KDM4C: variants seen among roughly 807,000 people sequenced by gnomAD.
KDM4C encodes lysine demethylase 4C.
A neutral mutation model predicts 129.3 loss-of-function variants in KDM4C; 81 were observed. The ratio of observed to expected loss-of-function variants is 0.63; its 90% CI spans 0.52 to 0.75. KDM4C has a LOEUF of 0.75. KDM4C is among the 30% of genes least tolerant of loss of function. The pLI, the probability that KDM4C is intolerant of heterozygous loss-of-function variation, is 0.00. For missense variants in KDM4C, 1,457 were observed against 1,304.0 expected (o/e 1.12, Z -1.81); for synonymous variants, 573 against 456.1 (o/e 1.26, Z -3.26).
chr9:6,964,296 G>A (rs575325768), intron 8 of KDM4C, among the ~76,000 whole-genome samples: 25 of 150,112 alleles, frequency 1.7e-4, no homozygotes, highest in African/African-American at 5.4e-4. Context: ...GTGTCCAAGC[G>A]TTCTCATTGT....
Position 6,915,765 on chromosome 9 carries a change from G to A in KDM4C, c.921+22533G>A, listed in dbSNP as rs531360689. 2.2e-3 allele frequency among the ~76,000 whole-genome samples: 338 copies of A among 152,250 alleles called. 5 individuals carry two copies. Among genetic ancestry groups the A allele is most frequent in the African/African-American group, 7.9e-3 (330 of 41,548 alleles). ...CAAGGTATAGCCTTCGAAGAACAAG[G>A]AAAGGGCTAGTTTTACACTTCCAGC... is the stretch of plus-strand genomic sequence containing the variant. On this transcript the variant is annotated intron_variant, in intron 8 of 21. Coordinates refer to ENST00000381309, the MANE Select transcript of KDM4C (RefSeq NM_015061.6).
chr9:7,147,945 G>A (rs1039735114), intron 19 of KDM4C, among the ~76,000 whole-genome samples: 1 of 152,208 alleles, frequency 6.6e-6, no homozygotes, highest in African/African-American at 2.4e-5. Context: ...CCAGCAGGCT[G>A]TGCTCGGCTC....
chr9:7,046,779 G>T, intron 15 of KDM4C, 83 bp from the exon 16 acceptor site: 2 of 927,868 alleles, frequency 2.2e-6, no homozygotes, highest in South Asian at 1.4e-5. Flanking sequence ...GAAAAATCAG[G>T]ATCTCTGAGA....
At chr9:7,002,154 A>C (rs1052906594) in intron 12 of KDM4C, among the ~76,000 whole-genome samples, 2 of 152,144 alleles carry the variant, frequency 1.3e-5, no homozygotes, top group Non-Finnish European at 2.9e-5. Context: ...TGGCCTCCCA[A>C]AATGCTGGGA....
rs1473712404 is a variant in KDM4C at position 6,779,019 on chromosome 9, G to A, written c.-17-13953G>A. 6.2e-5 allele frequency among the ~76,000 whole-genome samples: 8 copies of A among 128,816 alleles called. No individual in the cohort carries two copies. In the East Asian group the frequency reaches 1.8e-3, roughly 29 times the overall value. 84.5% of individuals were successfully genotyped at this position (128,816 alleles called of 152,430 possible). A position where few individuals can be genotyped will look rare whatever the true frequency, so the allele number is the denominator to read the frequency against. ...TTACAGGCCTGAGCTACCTCACCAGGCCTGATTAAAGTCTTTTTTTTTTTT... is the reference window on the plus strand; with the variant it reads ...TTACAGGCCTGAGCTACCTCACCAGACCTGATTAAAGTCTTTTTTTTTTTT... On this transcript the variant is annotated intron_variant, in intron 1 of 21. Transcript: ENST00000381309.
chr9:6,940,314 T>G (rs1825716063), intron 8 of KDM4C, among the ~76,000 whole-genome samples: 1 of 152,090 alleles, frequency 6.6e-6, no homozygotes, highest in Non-Finnish European at 1.5e-5. Context: ...TGGTCTTGAT[T>G]ACAGGTGTGA....
chr9:6,741,222 C>G (rs34258621), intron 1 of KDM4C, among the ~76,000 whole-genome samples: 15,311 of 151,660 alleles, frequency 0.1, 841 homozygotes, highest in Non-Finnish European at 0.12. Context: ...ATGGTGAAAA[C>G]CCATCTCTAC....
rs113441726 is a variant in KDM4C at position 6,787,759 on chromosome 9, G to C, written c.-17-5213G>C. Reference sequence around the variant, plus strand: ...CTTTTTGACACAAGAGCCAGAATGTGATTTACAATATGTGAGCCAGCTCAT... The same window carrying C: ...CTTTTTGACACAAGAGCCAGAATGTCATTTACAATATGTGAGCCAGCTCAT... On this transcript the variant is annotated intron_variant, in intron 1 of 21. Transcript: ENST00000381309. 2.2e-3 allele frequency among the ~76,000 whole-genome samples: 342 copies of C among 152,324 alleles called. 3 individuals carry two copies. The highest frequency in any genetic ancestry group is 6.0e-3 in the African/African-American group (250 of 41,572).
chr9:6,785,237 G>T (rs1825218693), intron 1 of KDM4C, among the ~76,000 whole-genome samples: 2 of 152,154 alleles, frequency 1.3e-5, no homozygotes, highest in African/African-American at 4.8e-5. Context: ...TCTTGTGTTT[G>T]CCAGGAGTCC....
At chr9:7,152,810 T>C (rs1009631156) in intron 19 of KDM4C, among the ~76,000 whole-genome samples, 8 of 152,208 alleles carry the variant, frequency 5.3e-5, no homozygotes, top group African/African-American at 1.9e-4. Flanking sequence ...CAAATAGCTT[T>C]AGAGACAGAT....
intron 8 of KDM4C, among the ~76,000 whole-genome samples, chr9:6,949,219 G>A (rs1156655496): frequency 3.1e-4 from 46 of 149,468 alleles, no homozygotes; most frequent in African/African-American, 1.1e-3. Context: ...CGGGGCGGCC[G>A]GGCAGAGACG....
intron 17 of KDM4C, among the ~76,000 whole-genome samples, chr9:7,069,398 A>C (rs1313978391): frequency 6.6e-6 from 1 of 152,238 alleles, no homozygotes; most frequent in South Asian, 2.1e-4. Context: ...AACAAACTTT[A>C]AATTTTAGGC....
chr9:6,754,177 C>A (rs1326182725), upstream of KDM4C, among the ~76,000 whole-genome samples: 1 of 151,250 alleles, frequency 6.6e-6, no homozygotes, highest in East Asian at 2.0e-4. Flanking sequence ...AGCCCAGCCT[C>A]ATTCAATTCT....
intron 8 of KDM4C, among the ~76,000 whole-genome samples, chr9:6,977,592 T>C (rs865839781): frequency 6.6e-6 from 1 of 152,200 alleles, no homozygotes; most frequent in South Asian, 2.1e-4. Context: ...TATTTTACTT[T>C]ACAGCATCCT....
At chr9:6,769,235 C>T (rs903686213) in intron 1 of KDM4C, among the ~76,000 whole-genome samples, 2 of 151,648 alleles carry the variant, frequency 1.3e-5, no homozygotes, top group Non-Finnish European at 2.9e-5. Context: ...TCTGGAACAT[C>T]TTAAATAACA....
At chr9:7,143,605 A>G (rs1564172501) in intron 19 of KDM4C, among the ~76,000 whole-genome samples, 1 of 152,222 alleles carries the variant, frequency 6.6e-6, no homozygotes, top group African/African-American at 2.4e-5. Flanking sequence ...ATGGTGTGTT[A>G]TCTACATATT....
At chr9:6,914,933 TA>T (rs1820031760) in intron 8 of KDM4C, among the ~76,000 whole-genome samples, 2 of 152,230 alleles carry the variant, frequency 1.3e-5, no homozygotes, top group African/African-American at 4.8e-5. Flanking sequence ...TTTGCTTTGT[TA>T]AAGCTGCCCA....
At chr9:6,732,732 G>A (rs1817393253) in intron 1 of KDM4C, among the ~76,000 whole-genome samples, 1 of 149,182 alleles carries the variant, frequency 6.7e-6, no homozygotes, top group Non-Finnish European at 1.5e-5. Context: ...CCACGTGGTG[G>A]CTGGGTGTGA....
chr9:7,058,243 T>A (rs1020515307), intron 17 of KDM4C, among the ~76,000 whole-genome samples: 1 of 147,188 alleles, frequency 6.8e-6, no homozygotes, highest in Non-Finnish European at 1.5e-5. Flanking sequence ...AGAGCTGTGG[T>A]TCTCAAAATG....
Sources: gnomAD v4.1 joint callset for allele counts (sites outside exome capture counted in the v4.1 genomes callset) on GRCh38, gnomAD v4.1.1 for gene constraint, MANE v1.5 for transcripts, NCBI Gene and HGNC (gene_info 2026-07-23, HGNC 2026-07-21) for gene names.